ADAP1: variants seen among roughly 807,000 people sequenced by gnomAD.
The protein encoded by ADAP1 is ArfGAP with dual PH domains 1, also known as arf-GAP with dual PH domain-containing protein 1.
ADAP1 carries 31 observed loss-of-function variants against 54.9 expected under a neutral mutation model. The observed-to-expected ratio is 0.56, with a 90% CI of 0.42 to 0.76. The LOEUF is 0.76. ADAP1 is among the 30% of genes least tolerant of loss of function. The probability of loss-of-function intolerance (pLI) is 0.00; values close to 1 mark genes in which losing one functional copy is unlikely to be tolerated. For synonymous variants in ADAP1, 313 were observed against 202.6 expected (o/e 1.55, Z -4.63); for missense variants, 535 against 512.4 (o/e 1.04, Z -0.42).
At position 905,418 on chromosome 7, in the gene ADAP1, A is replaced by AGAGAAAG. The variant is rs377307695; in HGVS notation, c.389-253_389-247dup. 11 of 78,344 alleles carry AGAGAAAG rather than the reference A, an allele frequency of 1.4e-4. 1 individual carries two copies. Among genetic ancestry groups the AGAGAAAG allele is most frequent in the South Asian group, 4.3e-4 (3 of 6,938 alleles). 4.9% of individuals were successfully genotyped at this position (78,344 alleles called of 1,614,324 possible). On this transcript the variant is annotated intron_variant, in intron 4 of 10. Coordinates refer to ENST00000265846, the MANE Select transcript of ADAP1 (RefSeq NM_006869.4). Reference sequence around the variant, plus strand: ...GAAAGGAGAAAGGAGAAAGGGAGAAAGAGAAAGGAGAAAGGAGAAAGGGAG... The same window carrying AGAGAAAG: ...GAAAGGAGAAAGGAGAAAGGGAGAAAGAGAAAGGAGAAAGGAGAAAGGAGAAAGGGAG...
At chr7:937,263 CTG>C (rs1353591924) in intron 1 of ADAP1, among the ~76,000 whole-genome samples, 1 of 36,538 alleles carries the variant, frequency 2.7e-5, no homozygotes, top group Non-Finnish European at 4.9e-5. Flanking sequence ...CGCCCGACCT[CTG>C]GGATTTGGGG....
At position 898,152 on chromosome 7, in the gene ADAP1, T is replaced by TA. The variant is rs1406398906; in HGVS notation, c.*768dup. 6.6e-6 allele frequency: 1 copy of TA among 152,266 alleles called. No homozygotes were observed. The highest frequency in any genetic ancestry group is 1.5e-5 in the Non-Finnish European group (1 of 68,128). The allele number at this position is 152,266 out of a possible 1,614,324, so 9.4% of individuals were successfully genotyped here. A position where few individuals can be genotyped will look rare whatever the true frequency, so the allele number is the denominator to read the frequency against. ...AGGAAGGAGATAGGTGAAAAATAAA[T>TA]ACACGGCTGGGCCGCCTGCAGCAAG... On this transcript the variant is annotated 3_prime_UTR_variant, in exon 11 of 11. Transcript: ENST00000265846.
intron 2 of ADAP1, among the ~76,000 whole-genome samples, chr7:929,187 G>A (rs1309334506): frequency 1.3e-5 from 2 of 151,958 alleles, no homozygotes; most frequent in Non-Finnish European, 2.9e-5. Context: ...AGCTACTCGG[G>A]AGGCTGAGGC....
intron 1 of ADAP1, among the ~76,000 whole-genome samples, chr7:935,728 C>A (rs1021630598): frequency 3.9e-5 from 6 of 152,012 alleles, no homozygotes; most frequent in African/African-American, 1.4e-4. Flanking sequence ...CCCACGGCAT[C>A]TGAGGAAGCC....
chr7:926,528 C>A lies in ADAP1; in HGVS notation c.305+25G>T. 1 of 1,513,314 alleles carries A rather than the reference C, an allele frequency of 6.6e-7. No individual in the cohort carries two copies. The highest frequency in any genetic ancestry group is 8.8e-7 in the Non-Finnish European group (1 of 1,131,782). The allele number at this position is 1,513,314 out of a possible 1,614,324, so 93.7% of individuals were successfully genotyped here. On this transcript the variant is annotated intron_variant, in intron 3 of 10. Coordinates refer to ENST00000265846, the MANE Select transcript of ADAP1 (RefSeq NM_006869.4). This position sits in a 1 kb window ranked among gnomAD's most constrained non-coding sequence, Gnocchi z 4.6. ...GAGCCACCCAGCACTTGACCATGGC[C>A]CTGACAAGGCCCCTTTGTACTCACT...
rs1320518406 is a variant in ADAP1, at chr7:926,885, G to T, written c.214-241C>A. Reference sequence around the variant, plus strand: ...TAACGACGGGGTCCCGGCAAAGGGGGCCCAGGGGCCAGGCCCCTTTTGAGG... The same window carrying T: ...TAACGACGGGGTCCCGGCAAAGGGGTCCCAGGGGCCAGGCCCCTTTTGAGG... On this transcript the variant is annotated intron_variant, in intron 2 of 10. Coordinates refer to ENST00000265846, the MANE Select transcript of ADAP1 (RefSeq NM_006869.4). This position sits in a 1 kb window ranked among gnomAD's most constrained non-coding sequence, Gnocchi z 4.6. The T allele has an allele frequency of 5.1e-6, 5 of 977,856 alleles. No individual in the cohort carries two copies. The highest frequency in any genetic ancestry group is 7.1e-6 in the Non-Finnish European group (5 of 706,520). 60.6% of individuals were successfully genotyped at this position (977,856 alleles called of 1,614,324 possible).
rs1368110845 is a variant in ADAP1 at position 926,360 on chromosome 7, G to GCGCCCCTCA, written c.305+192_305+193insTGAGGGGCG. ...TCCCAGCCCCACCCCAGCGCCCCCC[G>GCGCCCCTCA]CCCCAGAACCAAAGCCCGGTGGTGG... On this transcript the variant is annotated intron_variant, in intron 3 of 10. Coordinates refer to ENST00000265846, the MANE Select transcript of ADAP1 (RefSeq NM_006869.4). The surrounding 1 kb of genome is among the most constrained non-coding windows in gnomAD (Gnocchi z 4.6). 6.7e-6 allele frequency among the ~76,000 whole-genome samples: 1 copy of GCGCCCCTCA among 150,344 alleles called. No homozygotes were observed. Among genetic ancestry groups the GCGCCCCTCA allele is most frequent in the Non-Finnish European group, 1.5e-5 (1 of 67,436 alleles).
Position 900,564 on chromosome 7 carries a change from T to A in ADAP1, c.701A>T (p.Gln234Leu). 6.3e-7 allele frequency: 1 copy of A among 1,596,526 alleles called. No individual in the cohort carries two copies. The highest frequency in any genetic ancestry group is 8.5e-7 in the Non-Finnish European group (1 of 1,173,754). Residue 234 changes from glutamine (Q) to leucine (L), a missense_variant, in exon 7 of 11, where the codon CAG becomes CTG. Transcript: ENST00000265846. ...ALRAARFHYL[Q>L]VAFPGAGDAD... ...GTCGCCGGCCCCTGGGAATGCCACC[T>A]GCAGGTAGTGGAAGCGAGCAGCTCG...
upstream of ADAP1, chr7:955,209 C>A (rs1002692178): frequency 5.6e-6 from 7 of 1,244,240 alleles, no homozygotes; most frequent in Middle Eastern, 2.0e-4. Flanking sequence ...TCTGGGCACC[C>A]CTCCCACTCA....
At chr7:943,293 A>T (rs1583185902) in intron 1 of ADAP1, among the ~76,000 whole-genome samples, 1 of 15,376 alleles carries the variant, frequency 6.5e-5, no homozygotes, top group Non-Finnish European at 1.1e-4. Flanking sequence ...AGGAAGGGAG[A>T]GAGGAGGACG....
In ADAP1 at chr7:907,349, G is replaced by A. The variant is rs117778748; in HGVS notation, c.389-2177C>T. Reference sequence around the variant, plus strand: ...GGACAGGAGGGAAGGGGACGTGGCCGTGGAAACTGAGGCCAGAGGGGGCCC... The same window carrying A: ...GGACAGGAGGGAAGGGGACGTGGCCATGGAAACTGAGGCCAGAGGGGGCCC... On this transcript the variant is annotated intron_variant, in intron 4 of 10. Transcript: ENST00000265846. Among the ~76,000 whole-genome samples the A allele has an allele frequency of 1.7e-3, 252 of 152,224 alleles. 6 individuals carry two copies. In the East Asian group the frequency reaches 0.044, roughly 27 times the overall value.
rs145469592 is a variant in ADAP1, at chr7:948,364, G to A, written c.82+6032C>T. Among the ~76,000 whole-genome samples the A allele has an allele frequency of 3.3e-3, 499 of 152,190 alleles. 5 individuals are homozygous for A. Among genetic ancestry groups the A allele is most frequent in the African/African-American group, 0.01 (435 of 41,522 alleles). ...TCTGAATGGAACACGCCCTGCAGAA[G>A]CGCTCCATGGTGGCCCGAGTTTCGG... is the stretch of plus-strand genomic sequence containing the variant. On this transcript the variant is annotated intron_variant, in intron 1 of 10. Coordinates refer to ENST00000265846, the MANE Select transcript of ADAP1 (RefSeq NM_006869.4).
At chr7:940,330 T>TCTCACACACA (rs1245055110) in intron 1 of ADAP1, among the ~76,000 whole-genome samples, 1 of 140,614 alleles carries the variant, frequency 7.1e-6, no homozygotes, top group African/African-American at 2.7e-5. Context: ...ACAGACCCTG[T>TCTCACACACA]CACACACACA....
At chr7:913,198 CTTTTTTTTTT>C (rs10698107) in intron 4 of ADAP1, among the ~76,000 whole-genome samples, 1 of 104,204 alleles carries the variant, frequency 9.6e-6, no homozygotes, top group Non-Finnish European at 1.9e-5. Context: ...CCTCCCCTTC[CTTTTTTTTTT>C]TTTTTTTTTT....
chr7:901,444 T>G, intron 6 of ADAP1: 1 of 179,796 alleles, frequency 5.6e-6, no homozygotes, highest in Non-Finnish European at 1.2e-5. Context: ...CCATCCCTCC[T>G]CAGGCTTCTC....
Position 905,190 on chromosome 7 carries a change from C to T in ADAP1, c.389-18G>A, listed in dbSNP as rs1464152146. The T allele has an allele frequency of 1.2e-6, 2 of 1,601,150 alleles. No individual in the cohort carries two copies. The highest frequency in any genetic ancestry group is 1.7e-6 in the Non-Finnish European group (2 of 1,173,326). ...ACGGTACCCTGTGGGGGAAAGGGGA[C>T]ACGAGTCGGTGACAGTGGATGGGGG... On this transcript the variant is annotated intron_variant, in intron 4 of 10. Coordinates refer to ENST00000265846, the MANE Select transcript of ADAP1 (RefSeq NM_006869.4).
At position 920,594 on chromosome 7, in the gene ADAP1, G is replaced by A. The variant is rs570216445; in HGVS notation, c.306-544C>T. Among the ~76,000 whole-genome samples the A allele has an allele frequency of 1.2e-4, 18 of 152,146 alleles. No individual in the cohort carries two copies. Among genetic ancestry groups the A allele is most frequent in the East Asian group, 3.9e-4 (2 of 5,170 alleles). On this transcript the variant is annotated intron_variant, in intron 3 of 10. Transcript: ENST00000265846. This position sits in a 1 kb window ranked among gnomAD's most constrained non-coding sequence, Gnocchi z 4.5. ...ACAGGACGGAGCTATCAGGGCACCC[G>A]TCGAGGTCAGGAGGCGTCCGGGGCA...
chr7:932,237 T>C (rs1846606153), intron 2 of ADAP1, among the ~76,000 whole-genome samples: 1 of 152,182 alleles, frequency 6.6e-6, no homozygotes, highest in Non-Finnish European at 1.5e-5. Context: ...AGGGGTTTCT[T>C]GGTAATACCC....
intron 9 of ADAP1, 42 bp downstream of exon 9, chr7:899,377 A>C (rs766131575): frequency 1.2e-6 from 2 of 1,609,976 alleles, no homozygotes; most frequent in Non-Finnish European, 1.7e-6. Flanking sequence ...AACCCCAGCC[A>C]GTGAGCTGCC....
Sources: allele counts gnomAD v4.1 joint callset (sites outside exome capture counted in the v4.1 genomes callset), GRCh38; gene constraint gnomAD v4.1.1; non-coding constraint Gnocchi (gnomAD v3.1); transcripts MANE v1.5; gene names NCBI Gene and HGNC (gene_info 2026-07-23, HGNC 2026-07-21).